The following ZNF362 variants were observed in gnomAD, a reference collection of about 807,000 sequenced individuals.
The protein encoded by ZNF362 is zinc finger protein 362, also known as rotund homolog.
ZNF362 carries 11 observed loss-of-function variants against 42.9 expected under a neutral mutation model. That is an observed-to-expected ratio of 0.26 (90% confidence interval 0.16 to 0.42). The LOEUF (loss-of-function observed/expected upper bound fraction) is 0.42. ZNF362 is among the 20% of genes least tolerant of loss of function. The pLI is 1.00. For missense variants in ZNF362, 362 were observed against 576.2 expected (o/e 0.63, Z 3.81); for synonymous variants, 255 against 257.3 (o/e 0.99, Z 0.09).
At chr1:33,279,646 C>CTTTTTTTTT (rs567406398) in intron 4 of ZNF362, among the ~76,000 whole-genome samples, 5 of 147,344 alleles carry the variant, frequency 3.4e-5, no homozygotes, top group Non-Finnish European at 6.0e-5. Flanking sequence ...AGTTAAGCCT[C>CTTTTTTTTT]TTTTTTTTTT....
At chr1:33,189,453 G>A in the ZNF362 span, among the ~76,000 whole-genome samples, 1 of 151,460 alleles carries the variant, frequency 6.6e-6, no homozygotes, top group Non-Finnish European at 1.5e-5. Context: ...GGATCTGACA[G>A]TACACAACTT....
chr1:33,200,315 A>C, the ZNF362 span: 1 of 152,206 alleles, frequency 6.6e-6, no homozygotes, highest in Non-Finnish European at 1.5e-5. Flanking sequence ...CAGGTGACAG[A>C]GTGAAACCCT....
At chr1:33,245,852 C>A in the ZNF362 span, among the ~76,000 whole-genome samples, 1 of 152,130 alleles carries the variant, frequency 6.6e-6, no homozygotes, top group Non-Finnish European at 1.5e-5. Flanking sequence ...AGGTAGGAGA[C>A]TCACTTGAGC....
the ZNF362 span, chr1:33,160,064 G>T: frequency 7.7e-7 from 1 of 1,306,122 alleles, no homozygotes; most frequent in Non-Finnish European, 1.0e-6. Context: ...GGGCACGCGT[G>T]GTGGGGGAAA....
chr1:33,241,748 T>TA, the ZNF362 span, among the ~76,000 whole-genome samples: 2 of 151,830 alleles, frequency 1.3e-5, no homozygotes, highest in Non-Finnish European at 2.9e-5. Flanking sequence ...CCAGAAGAAA[T>TA]AAAAGGGAAA....
At chr1:33,159,902 C>G in the ZNF362 span, 1 of 1,609,386 alleles carries the variant, frequency 6.2e-7, no homozygotes, top group Non-Finnish European at 8.5e-7. This position sits in a 1 kb window ranked among gnomAD's most constrained non-coding sequence, Gnocchi z 4.2. Context: ...TGCAGCCGCT[C>G]GAAGGCCTCG....
chr1:33,212,162 T>G, the ZNF362 span, among the ~76,000 whole-genome samples: 1 of 152,168 alleles, frequency 6.6e-6, no homozygotes, highest in African/African-American at 2.4e-5. Flanking sequence ...TTCAACCATG[T>G]AAGACATGCC....
At chr1:33,255,853 G>A (rs1480806425), upstream of ZNF362, among the ~76,000 whole-genome samples, 1 of 152,006 alleles carries the variant, frequency 6.6e-6, no homozygotes, top group Non-Finnish European at 1.5e-5. Flanking sequence ...CCAGGCGGCC[G>A]TCTTCGAGGG....
the ZNF362 span, among the ~76,000 whole-genome samples, chr1:33,212,691 T>G: frequency 2.0e-5 from 3 of 152,048 alleles, no homozygotes; most frequent in African/African-American, 7.2e-5. Context: ...CACACACTTT[T>G]AAACAACCAG....
chr1:33,180,899 C>A, the ZNF362 span: 45 of 430,136 alleles, frequency 1.0e-4, no homozygotes, highest in Admixed American at 1.9e-3. Context: ...CCTGACCTTG[C>A]TGGCGGCCCC....
the ZNF362 span, among the ~76,000 whole-genome samples, chr1:33,186,591 A>T: frequency 4.0e-5 from 6 of 148,236 alleles, no homozygotes; most frequent in African/African-American, 7.5e-5. Flanking sequence ...GGATCACCTG[A>T]GGTCAGGAGT....
chr1:33,238,651 C>T, the ZNF362 span, among the ~76,000 whole-genome samples: 2 of 152,108 alleles, frequency 1.3e-5, no homozygotes, highest in Non-Finnish European at 2.9e-5. Flanking sequence ...TGTTAAAGCC[C>T]TAACCCCCAA....
At chr1:33,276,632 A>G in intron 4 of ZNF362, 38 bp downstream of exon 4, 1 of 1,305,382 alleles carries the variant, frequency 7.7e-7, no homozygotes, top group African/African-American at 1.6e-5. Flanking sequence ...GCCGGTGAGG[A>G]CTGGGCAGGA....
the ZNF362 span, among the ~76,000 whole-genome samples, chr1:33,201,710 CA>C: frequency 5.9e-5 from 9 of 151,850 alleles, no homozygotes; most frequent in Non-Finnish European, 1.3e-4. Context: ...CCTTAAGAAA[CA>C]ACAAAAAGAG....
chr1:33,142,922 G>A, the ZNF362 span: 1 of 152,066 alleles, frequency 6.6e-6, no homozygotes, highest in East Asian at 1.9e-4. Context: ...AACCACAGGG[G>A]CGTGTCTCGA....
At chr1:33,161,272 T>C in the ZNF362 span, among the ~76,000 whole-genome samples, 10 of 152,102 alleles carry the variant, frequency 6.6e-5, no homozygotes, top group South Asian at 2.1e-4. The surrounding 1 kb of genome is among the most constrained non-coding windows in gnomAD (Gnocchi z 4.3). Flanking sequence ...AGGATGTCAG[T>C]TGGGGGTCAG....
intron 4 of ZNF362, 26 bp downstream of exon 4, chr1:33,276,620 G>GGGCCGGCGA (rs1377381793): frequency 1.7e-5 from 22 of 1,311,438 alleles, no homozygotes; most frequent in Non-Finnish European, 2.0e-5. Context: ...GGGGCCGGCG[G>GGGCCGGCGA]GGCCGGTGAG....
the ZNF362 span, chr1:33,165,421 C>T: frequency 6.6e-7 from 1 of 1,507,830 alleles, no homozygotes; most frequent in East Asian, 2.5e-5. The surrounding 1 kb of genome is among the most constrained non-coding windows in gnomAD (Gnocchi z 4.0). Context: ...CCCCTCGAAG[C>T]CCTGCCCTCA....
chr1:33,151,737 C>T, the ZNF362 span, among the ~76,000 whole-genome samples: 76 of 152,348 alleles, frequency 5.0e-4, no homozygotes, highest in African/African-American at 1.8e-3. Flanking sequence ...TTCATTTAAG[C>T]ATCTCTGAGA....
Sources: allele counts gnomAD v4.1 joint callset (sites outside exome capture counted in the v4.1 genomes callset), GRCh38; gene constraint gnomAD v4.1.1; non-coding constraint Gnocchi (gnomAD v3.1); transcripts MANE v1.5; gene names NCBI Gene and HGNC (gene_info 2026-07-23, HGNC 2026-07-21).